ARIH1: variants seen among roughly 807,000 people sequenced by gnomAD.
ARIH1 encodes E3 ubiquitin-protein ligase ARIH1.
In ARIH1, 8 loss-of-function variants were observed where a neutral mutation model predicts 85.0. That is an observed-to-expected ratio of 0.09 (90% CI 0.06 to 0.17). The LOEUF is 0.17. ARIH1 is among the 10% of genes least tolerant of loss of function. The pLI, the probability that ARIH1 is intolerant of heterozygous loss-of-function variation, is 1.00. For missense variants in ARIH1, 311 were observed against 718.1 expected (o/e 0.43, Z 6.48); for synonymous variants, 238 against 253.6 (o/e 0.94, Z 0.59).
At chr15:72,495,178 T>C (rs537517082) in intron 1 of ARIH1, among the ~76,000 whole-genome samples, 24 of 152,218 alleles carry the variant, frequency 1.6e-4, no homozygotes, top group African/African-American at 5.3e-4. Context: ...GGCAAATCTA[T>C]AGAGATAGAA....
intron 1 of ARIH1, among the ~76,000 whole-genome samples, chr15:72,510,100 C>G (rs1198415371): frequency 2.0e-5 from 3 of 152,080 alleles, no homozygotes; most frequent in African/African-American, 7.2e-5. Context: ...GTAATTTTGC[C>G]TTTTCCACTG....
At chr15:72,547,646 A>G (rs893022334) in intron 3 of ARIH1, among the ~76,000 whole-genome samples, 1 of 152,222 alleles carries the variant, frequency 6.6e-6, no homozygotes, top group Admixed American at 6.5e-5. Flanking sequence ...AATATTTTTT[A>G]AAAAGTACTA....
At chr15:72,487,151 G>A (rs553521821) in intron 1 of ARIH1, among the ~76,000 whole-genome samples, 2 of 152,014 alleles carry the variant, frequency 1.3e-5, no homozygotes, top group Non-Finnish European at 1.5e-5. Context: ...ATTTAAAAGT[G>A]TCAGAAGTGC....
rs2140435585 is a variant in ARIH1, at chr15:72,570,237, C to T, written c.1087C>T (p.Arg363Cys). 2 of 1,614,030 alleles carry T rather than the reference C, an allele frequency of 1.2e-6. No homozygotes were observed. Among genetic ancestry groups the T allele is most frequent in the Non-Finnish European group, 1.7e-6 (2 of 1,179,950 alleles). ...KDGGCNHMVCRNQNCKAEFCW... is the reference protein window; with the variant it reads ...KDGGCNHMVCCNQNCKAEFCW... ...TGGTGGTTGTAATCACATGGTCTGTCGTAACCAGAATTGTAAAGCAGAGTT... is the reference window on the plus strand; with the variant it reads ...TGGTGGTTGTAATCACATGGTCTGTTGTAACCAGAATTGTAAAGCAGAGTT... The change falls in exon 10 of 14, where the codon CGT becomes TGT. Residue 363 changes from arginine (R) to cysteine (C), a missense_variant. By Grantham distance (180) the Arg-to-Cys change is radical. Coordinates refer to ENST00000379887, the MANE Select transcript of ARIH1 (RefSeq NM_005744.5).
chr15:72,565,395 T>A (rs2064214890), intron 7 of ARIH1, among the ~76,000 whole-genome samples: 1 of 152,146 alleles, frequency 6.6e-6, no homozygotes, highest in African/African-American at 2.4e-5. Flanking sequence ...CCAGCCAGAT[T>A]TTCTTTTTTG....
At chr15:72,535,204 GC>G (rs2064076689) in intron 2 of ARIH1, among the ~76,000 whole-genome samples, 1 of 151,804 alleles carries the variant, frequency 6.6e-6, no homozygotes, top group Non-Finnish European at 1.5e-5. Context: ...ACCCGCCTCG[GC>G]CTCCCAAAGT....
At chr15:72,574,851 C>G (rs2064262819) in intron 11 of ARIH1, among the ~76,000 whole-genome samples, 1 of 151,568 alleles carries the variant, frequency 6.6e-6, no homozygotes, top group Non-Finnish European at 1.5e-5. Flanking sequence ...CCAAGGATCA[C>G]TTGAGGCCAG....
At chr15:72,549,554 A>C (rs993552299) in intron 3 of ARIH1, among the ~76,000 whole-genome samples, 1 of 152,172 alleles carries the variant, frequency 6.6e-6, no homozygotes, top group South Asian at 2.1e-4. Flanking sequence ...GCTTGAAAAT[A>C]CCTACGTCCC....
chr15:72,489,964 T>C (rs1379724878), intron 1 of ARIH1, among the ~76,000 whole-genome samples: 1 of 152,148 alleles, frequency 6.6e-6, no homozygotes, highest in Non-Finnish European at 1.5e-5. Context: ...TAGAAGGCTC[T>C]CTTTGGAAAA....
At chr15:72,517,774 T>TG (rs1351831017) in intron 1 of ARIH1, among the ~76,000 whole-genome samples, 2 of 152,114 alleles carry the variant, frequency 1.3e-5, no homozygotes, top group African/African-American at 4.8e-5. Context: ...TGAAATTATT[T>TG]TTTTTTTGCA....
intron 1 of ARIH1, 192 bp downstream of exon 1, chr15:72,475,206 G>A (rs540287832): frequency 5.6e-6 from 7 of 1,252,670 alleles, no homozygotes; most frequent in Non-Finnish European, 7.2e-6. Flanking sequence ...AGCCGGGTGT[G>A]GGGAGGTGCG....
At chr15:72,529,057 G>A (rs983519973) in intron 2 of ARIH1, among the ~76,000 whole-genome samples, 9 of 151,638 alleles carry the variant, frequency 5.9e-5, no homozygotes, top group African/African-American at 1.7e-4. Flanking sequence ...AAAATTAGCC[G>A]CGTGTGGTGA....
At chr15:72,476,155 G>A (rs760171311) in intron 1 of ARIH1, among the ~76,000 whole-genome samples, 3 of 152,170 alleles carry the variant, frequency 2.0e-5, no homozygotes, top group Non-Finnish European at 2.9e-5. Context: ...GTATGTCACT[G>A]TCAACTCGTT....
intron 10 of ARIH1, among the ~76,000 whole-genome samples, chr15:72,571,249 CTG>C (rs779377131): frequency 1.3e-4 from 19 of 151,392 alleles, no homozygotes; most frequent in South Asian, 1.2e-3. Context: ...CTCTGAAACT[CTG>C]TAGTTATGTG....
Position 72,474,344 on chromosome 15 carries a change from C to T in ARIH1, c.-296C>T. ...TTTGTTGGCTCAGTAGCGATAGCAG[C>T]GGCCGTGGAGGTGGCGTTGGGGACT... On this transcript the variant is annotated 5_prime_UTR_variant, in exon 1 of 14. Transcript: ENST00000379887. 2.6e-6 allele frequency: 1 copy of T among 388,268 alleles called. No individual in the cohort carries two copies. Among genetic ancestry groups the T allele is most frequent in the Non-Finnish European group, 4.7e-6 (1 of 213,840 alleles). The allele number at this position is 388,268 out of a possible 1,614,324, so 24.1% of individuals were successfully genotyped here.
In ARIH1 at chr15:72,583,571, G is replaced by A; in HGVS notation, c.*279G>A. 1 of 329,242 alleles carries A rather than the reference G, an allele frequency of 3.0e-6. No homozygotes were observed. Among genetic ancestry groups the A allele is most frequent in the Non-Finnish European group, 5.5e-6 (1 of 181,040 alleles). The allele number at this position is 329,242 out of a possible 1,614,324, so 20.4% of individuals were successfully genotyped here. The stretch of plus-strand genomic sequence containing the variant: ...CTTGTAACGTAGCTTCATTCTCAAA[G>A]CTGACTCCTTTTTTTTCTTTTTCCT... On this transcript the variant is annotated 3_prime_UTR_variant, in exon 14 of 14. Transcript: ENST00000379887.
rs2064374317 is a variant in ARIH1 at position 72,599,288 on chromosome 15, G to T, written c.*15996G>T. On this transcript the variant is annotated 3_prime_UTR_variant, in exon 14 of 14. Coordinates refer to ENST00000379887, the MANE Select transcript of ARIH1 (RefSeq NM_005744.5). Reference sequence around the variant, plus strand: ...TCCACCCGCCTCAGCCTCCCAAAGTGCTGGGATTACAGGTGTGAGCCATCG... The same window carrying T: ...TCCACCCGCCTCAGCCTCCCAAAGTTCTGGGATTACAGGTGTGAGCCATCG... 6.6e-6 allele frequency: 1 copy of T among 152,218 alleles called. No individual in the cohort carries two copies. The highest frequency in any genetic ancestry group is 1.5e-5 in the Non-Finnish European group (1 of 68,082). The allele number at this position is 152,218 out of a possible 1,614,324, so 9.4% of individuals were successfully genotyped here. A position where few individuals can be genotyped will look rare whatever the true frequency, so the allele number is the denominator to read the frequency against.
intron 2 of ARIH1, among the ~76,000 whole-genome samples, chr15:72,532,347 T>G (rs1461579886): frequency 1.3e-5 from 2 of 151,668 alleles, no homozygotes; most frequent in African/African-American, 4.8e-5. Context: ...ATGGGTAGAT[T>G]CCTAGAAATA....
intron 1 of ARIH1, among the ~76,000 whole-genome samples, chr15:72,494,359 A>G (rs1436945606): frequency 6.6e-6 from 1 of 152,230 alleles, no homozygotes; most frequent in Non-Finnish European, 1.5e-5. Flanking sequence ...ACTTGCTGGT[A>G]GGAATGGAAG....
Sources: gnomAD v4.1 joint callset for allele counts (sites outside exome capture counted in the v4.1 genomes callset) on GRCh38, gnomAD v4.1.1 for gene constraint, MANE v1.5 for transcripts, NCBI Gene and HGNC (gene_info 2026-07-23, HGNC 2026-07-21) for gene names.